Variants in CORIN observed in about 807,000 individuals in gnomAD.
CORIN encodes the protein corin, serine peptidase.
CORIN carries 117 observed loss-of-function variants against 125.3 expected under a neutral mutation model. That is an observed-to-expected ratio of 0.93 (90% CI 0.80 to 1.09). The LOEUF is 1.09. CORIN is among the 50% of genes least tolerant of loss of function. The pLI, the probability that CORIN is intolerant of heterozygous loss-of-function variation, is 0.00. For synonymous variants in CORIN, 450 were observed against 466.4 expected, an observed-to-expected ratio of 0.96 and a Z score of 0.45; for missense variants, 1,253 against 1,306.7, an observed-to-expected ratio of 0.96 and a Z score of 0.63.
intron 20 of CORIN, 129 bp downstream of exon 20, chr4:47,603,268 T>G: frequency 3.4e-6 from 3 of 884,416 alleles, no homozygotes; most frequent in Non-Finnish European, 5.2e-6. Flanking sequence ...TCCGCCATGA[T>G]TGTAGGTTTC....
At chr4:47,597,446 A>G (rs1721299772) in intron 21 of CORIN, among the ~76,000 whole-genome samples, 1 of 152,186 alleles carries the variant, frequency 6.6e-6, no homozygotes, top group Non-Finnish European at 1.5e-5. Context: ...TAACTTTCCA[A>G]TACCCTAAGC....
At chr4:47,707,935 T>C (rs1221518644) in intron 5 of CORIN, among the ~76,000 whole-genome samples, 2 of 152,226 alleles carry the variant, frequency 1.3e-5, no homozygotes, top group East Asian at 1.9e-4. Context: ...CTCTTCACAG[T>C]ATATGTCTTA....
chr4:47,836,923 T>C (rs1646449244), intron 1 of CORIN, among the ~76,000 whole-genome samples: 1 of 152,222 alleles, frequency 6.6e-6, no homozygotes, highest in African/African-American at 2.4e-5. Context: ...CGGTCCCCGA[T>C]TCGGAGCAGC....
chr4:47,837,246 T>A (rs1331359291), intron 1 of CORIN: 1 of 157,330 alleles, frequency 6.4e-6, no homozygotes, highest in African/African-American at 2.4e-5. Flanking sequence ...GGGCCAGTTC[T>A]GGGATGCCAG....
At chr4:47,690,304 T>C (rs1725710391) in intron 6 of CORIN, among the ~76,000 whole-genome samples, 1 of 152,210 alleles carries the variant, frequency 6.6e-6, no homozygotes, top group African/African-American at 2.4e-5. Context: ...GGTTCAAATT[T>C]AGCGAATCAT....
At chr4:47,609,536 G>A (rs572062889) in intron 19 of CORIN, among the ~76,000 whole-genome samples, 1 of 152,054 alleles carries the variant, frequency 6.6e-6, no homozygotes, top group Non-Finnish European at 1.5e-5. Context: ...CACCGCACCC[G>A]GCTATCCTTG....
intron 19 of CORIN, among the ~76,000 whole-genome samples, chr4:47,604,111 G>A (rs1721554239): frequency 1.3e-5 from 2 of 152,168 alleles, no homozygotes; most frequent in Admixed American, 1.3e-4. Context: ...GCTTAAAAAG[G>A]TCACCCACGA....
chr4:47,643,492 T>G (rs1236251516), intron 14 of CORIN, among the ~76,000 whole-genome samples: 1 of 152,164 alleles, frequency 6.6e-6, no homozygotes, highest in Non-Finnish European at 1.5e-5. Flanking sequence ...GACTCAATGT[T>G]CTGGTTCTAA....
At chr4:47,794,729 A>C (rs1731217820) in intron 2 of CORIN, among the ~76,000 whole-genome samples, 1 of 152,146 alleles carries the variant, frequency 6.6e-6, no homozygotes, top group Admixed American at 6.6e-5. Flanking sequence ...ATACATTTAT[A>C]GGACTCCCTG....
In CORIN at chr4:47,677,937, C is replaced by CT. The variant is rs770204477; in HGVS notation, c.1249dup (p.Ile417AsnfsTer19). On this transcript the variant is annotated frameshift_variant and splice_region_variant. Transcript: ENST00000273857. LOFTEE classifies it high-confidence loss of function. ...GTTCTGGGGTGGTGGGACACACTTA[C>CT]TGACGCTGCAGTTCTCCTCATCACT... 1 of 1,604,678 alleles carries CT rather than the reference C, an allele frequency of 6.2e-7. No individual in the cohort carries two copies. The highest frequency in any genetic ancestry group is 8.5e-7 in the Non-Finnish European group (1 of 1,171,500).
intron 20 of CORIN, among the ~76,000 whole-genome samples, chr4:47,602,383 C>A (rs1048309737): frequency 1.3e-5 from 2 of 152,186 alleles, no homozygotes; most frequent in African/African-American, 2.4e-5. Context: ...TTTTAAATTT[C>A]TATGTGTTTT....
intron 1 of CORIN, among the ~76,000 whole-genome samples, chr4:47,820,811 A>T (rs1053639615): frequency 6.7e-6 from 1 of 150,316 alleles, no homozygotes; most frequent in Admixed American, 6.7e-5. Context: ...CTATCAAGGG[A>T]AAAATAGAGT....
rs1045606316 is a variant in CORIN, at chr4:47,766,946, CAA to C, written c.410-3362_410-3361del. ...TGAGCAAAAGAGCAAGACTCTGTCT[CAA>C]AAAAAAAAAAAAAAAAAGGTACAAC... On this transcript the variant is annotated intron_variant, in intron 3 of 21. Coordinates refer to ENST00000273857, the MANE Select transcript of CORIN (RefSeq NM_006587.4). Among the ~76,000 whole-genome samples, 150 of 63,178 alleles carry C rather than the reference CAA, an allele frequency of 2.4e-3. 1 individual carries two copies. Among genetic ancestry groups the C allele is most frequent in the Non-Finnish European group, 3.4e-3 (102 of 29,736 alleles). 41.4% of individuals were successfully genotyped at this position (63,178 alleles called of 152,430 possible).
chr4:47,829,157 CAAAAAAAAAAA>C (rs35771383), intron 1 of CORIN, among the ~76,000 whole-genome samples: 3 of 64,280 alleles, frequency 4.7e-5, no homozygotes, highest in Middle Eastern at 0.017. Flanking sequence ...GACTCCGTCT[CAAAAAAAAAAA>C]AAAAAAAAAA....
rs781612859 is a variant in CORIN, at chr4:47,595,682, T to C, written c.*39A>G. ...TTCACAGTCAAGAAGGCCATTTTCTTTTAGTGTAGCTGGCAAAAGTCTCTG... is the reference window on the plus strand; with the variant it reads ...TTCACAGTCAAGAAGGCCATTTTCTCTTAGTGTAGCTGGCAAAAGTCTCTG... On this transcript the variant is annotated 3_prime_UTR_variant, in exon 22 of 22. Coordinates refer to ENST00000273857, the MANE Select transcript of CORIN (RefSeq NM_006587.4). The C allele has an allele frequency of 1.1e-5, 17 of 1,527,652 alleles. No individual in the cohort carries two copies. The highest frequency in any genetic ancestry group is 1.5e-5 in the Non-Finnish European group (17 of 1,131,224). 94.6% of individuals were successfully genotyped at this position (1,527,652 alleles called of 1,614,324 possible).
At chr4:47,678,158 G>T in intron 8 of CORIN, 104 bp from the exon 9 acceptor site, 2 of 818,144 alleles carry the variant, frequency 2.4e-6, no homozygotes, top group East Asian at 2.5e-5. Context: ...TAAGAAACAA[G>T]GTGTTCTGCA....
chr4:47,610,104 CT>C (rs1333237675), intron 19 of CORIN, among the ~76,000 whole-genome samples: 1 of 152,104 alleles, frequency 6.6e-6, no homozygotes, highest in Non-Finnish European at 1.5e-5. Flanking sequence ...ACTTATATTC[CT>C]TTGGGTATAT....
At chr4:47,802,422 T>A (rs114176858) in intron 2 of CORIN, among the ~76,000 whole-genome samples, 2,241 of 152,172 alleles carry the variant, frequency 0.015, 60 homozygotes, top group African/African-American at 0.05. Context: ...CATGCATCAT[T>A]AACCAACTGA....
At chr4:47,778,098 A>G (rs563482599) in intron 3 of CORIN, among the ~76,000 whole-genome samples, 1 of 152,268 alleles carries the variant, frequency 6.6e-6, no homozygotes, top group African/African-American at 2.4e-5. Flanking sequence ...TTAACATGCT[A>G]CTGTTTTGCT....
Sources: gnomAD v4.1 joint callset for allele counts (sites outside exome capture counted in the v4.1 genomes callset) on GRCh38, gnomAD v4.1.1 for gene constraint, MANE v1.5 for transcripts, NCBI Gene and HGNC (gene_info 2026-07-23, HGNC 2026-07-21) for gene names.